The following B4GALT1 variants were observed in gnomAD, a reference collection of about 807,000 sequenced individuals.
The protein encoded by B4GALT1 is beta-1,4-galactosyltransferase 1.
In B4GALT1, 16 loss-of-function variants were observed where a neutral mutation model predicts 34.9. The ratio of observed to expected loss-of-function variants is 0.46; its 90% CI spans 0.31 to 0.70. The LOEUF (loss-of-function observed/expected upper bound fraction) is 0.70, where lower values mean the gene tolerates loss of function less well. Ranked by LOEUF, B4GALT1 falls within the 30% of genes least tolerant of loss-of-function variation. The pLI is 0.05. For missense variants in B4GALT1, 445 were observed against 530.5 expected (o/e 0.84, Z 1.58); for synonymous variants, 221 against 218.1 (o/e 1.01, Z -0.12).
chr9:33,177,144 G>T, the B4GALT1 span, among the ~76,000 whole-genome samples: 1 of 152,148 alleles, frequency 6.6e-6, no homozygotes, highest in Non-Finnish European at 1.5e-5. Context: ...CAGCCAAAGG[G>T]AGTAAGTTGG....
At chr9:33,129,552 C>T (rs1204061496) in intron 2 of B4GALT1, among the ~76,000 whole-genome samples, 1 of 152,188 alleles carries the variant, frequency 6.6e-6, no homozygotes, top group Non-Finnish European at 1.5e-5. Flanking sequence ...GGAGAGAAGC[C>T]CCGTGCTCCA....
At chr9:33,156,573 C>T (rs996784975) in intron 1 of B4GALT1, among the ~76,000 whole-genome samples, 1 of 152,186 alleles carries the variant, frequency 6.6e-6, no homozygotes, top group Non-Finnish European at 1.5e-5. Context: ...ACAGAACTGG[C>T]AATTCATATT....
In B4GALT1 at chr9:33,115,991, C is replaced by G; in HGVS notation, c.959G>C (p.Arg320Thr). 1 of 1,610,364 alleles carries G rather than the reference C, an allele frequency of 6.2e-7. No individual in the cohort carries two copies. Among genetic ancestry groups the G allele is most frequent in the Non-Finnish European group, 8.5e-7 (1 of 1,177,472 alleles). ...WGGEDDDIFNRLVFRGMSISR... is the reference protein window; with the variant it reads ...WGGEDDDIFNTLVFRGMSISR... ...AAGATATCTAAGTTATGACCATTAC[C>G]TGTTAAAAATGTCATCATCTTCTCC... The change falls in exon 4 of 6, where the codon AGA becomes ACA. Residue 320 changes from arginine to threonine, a missense_variant and splice_region_variant. Around this residue, in one of 3 missense-constraint regions of B4GALT1, gnomAD observed 89 missense variants for 107.6 expected, o/e 0.83. Transcript: ENST00000379731.
Position 33,112,921 on chromosome 9 carries a change from A to C in B4GALT1, c.*533T>G. The C allele has an allele frequency of 4.9e-6, 1 of 205,306 alleles. No individual in the cohort carries two copies. Among genetic ancestry groups the C allele is most frequent in the Non-Finnish European group, 1.0e-5 (1 of 98,960 alleles). The allele number at this position is 205,306 out of a possible 1,614,324, so 12.7% of individuals were successfully genotyped here. On this transcript the variant is annotated 3_prime_UTR_variant, in exon 6 of 6. Coordinates refer to ENST00000379731, the MANE Select transcript of B4GALT1 (RefSeq NM_001497.4). ...AAATCCTTTTGCTAAGAAAAGACAT[A>C]TGCACAGTGATTGCAGTGGTTGCAT...
the B4GALT1 span, among the ~76,000 whole-genome samples, chr9:33,180,156 C>A: frequency 6.6e-6 from 1 of 152,186 alleles, no homozygotes; most frequent in Admixed American, 6.5e-5. Context: ...CCCACCTCAG[C>A]CTTCCGAGTA....
chr9:33,181,461 A>AC, the B4GALT1 span, among the ~76,000 whole-genome samples: 2 of 65,176 alleles, frequency 3.1e-5, no homozygotes, highest in African/African-American at 4.8e-5. Context: ...CACACACACA[A>AC]ACTATTCTTA....
chr9:33,175,679 T>G, the B4GALT1 span, among the ~76,000 whole-genome samples: 3,144 of 152,328 alleles, frequency 0.021, 116 homozygotes, highest in African/African-American at 0.072. Flanking sequence ...CACTTATCAT[T>G]GTGTTATAAT....
At chr9:33,163,328 C>T (rs1840702039) in intron 1 of B4GALT1, among the ~76,000 whole-genome samples, 1 of 152,194 alleles carries the variant, frequency 6.6e-6, no homozygotes, top group African/African-American at 2.4e-5. Context: ...TCCTCGGGTG[C>T]CCTGGCTACC....
intron 1 of B4GALT1, among the ~76,000 whole-genome samples, chr9:33,161,811 T>C (rs948838169): frequency 7.9e-5 from 12 of 152,136 alleles, no homozygotes; most frequent in African/African-American, 2.9e-4. Context: ...TGCTTCTTCA[T>C]AGTAAGAGCA....
Position 33,166,860 on chromosome 9 carries a change from C to G in B4GALT1, c.310G>C (p.Val104Leu). The G allele has an allele frequency of 1.3e-6, 2 of 1,573,194 alleles. No individual in the cohort carries two copies. The highest frequency in any genetic ancestry group is 1.8e-5 in the Admixed American group (1 of 55,830). ...PRPGGDSSPV[V>L]DSGPGPASNL... is the part of the protein sequence containing the mutation. The stretch of plus-strand genomic sequence containing the variant: ...CTAGCGGGGCCAGGGCCAGAATCCA[C>G]GACTGGGCTGGAGTCGCCACCCGGG... Residue 104 changes from valine (V) to leucine (L), a missense_variant, in exon 1 of 6, where the codon GTG becomes CTG. Physicochemically the swap from Val to Leu is conservative, Grantham distance 32. Around this residue, in one of 3 missense-constraint regions of B4GALT1, gnomAD observed 349 missense variants for 395.5 expected, o/e 0.88. Transcript: ENST00000379731.
chr9:33,163,212 G>C (rs1000520323), intron 1 of B4GALT1, among the ~76,000 whole-genome samples: 2 of 152,164 alleles, frequency 1.3e-5, no homozygotes, highest in African/African-American at 4.8e-5. Flanking sequence ...AAACACCTGA[G>C]AGCTGAGAGC....
upstream of B4GALT1, among the ~76,000 whole-genome samples, chr9:33,169,072 G>A (rs145030134): frequency 6.6e-6 from 1 of 152,252 alleles, no homozygotes; most frequent in Non-Finnish European, 1.5e-5. Context: ...AACCATCCTC[G>A]ATCAAGCCAC....
intron 1 of B4GALT1, among the ~76,000 whole-genome samples, chr9:33,155,850 T>C (rs1173752184): frequency 3.3e-5 from 5 of 152,186 alleles, no homozygotes; most frequent in African/African-American, 1.2e-4. Context: ...GATATTACCA[T>C]ATAACTAACC....
Position 33,113,373 on chromosome 9 carries a change from G to C in B4GALT1, c.*81C>G. 6.2e-7 allele frequency: 1 copy of C among 1,602,124 alleles called. No individual in the cohort carries two copies. Among genetic ancestry groups the C allele is most frequent in the Non-Finnish European group, 8.5e-7 (1 of 1,170,244 alleles). Reference sequence around the variant, plus strand: ...GTCACTCAGACTGGTAAAAATGAGAGGGACCAGCCCAGCAGATTGGCAGAG... The same window carrying C: ...GTCACTCAGACTGGTAAAAATGAGACGGACCAGCCCAGCAGATTGGCAGAG... On this transcript the variant is annotated 3_prime_UTR_variant, in exon 6 of 6. Coordinates refer to ENST00000379731, the MANE Select transcript of B4GALT1 (RefSeq NM_001497.4).
intron 2 of B4GALT1, among the ~76,000 whole-genome samples, chr9:33,132,016 G>A (rs1587736194): frequency 6.6e-6 from 1 of 151,990 alleles, no homozygotes; most frequent in African/African-American, 2.4e-5. Context: ...CAGATGATAA[G>A]AGAGTAGCTG....
intron 1 of B4GALT1, among the ~76,000 whole-genome samples, chr9:33,158,426 A>G (rs1205101505): frequency 6.6e-6 from 1 of 152,030 alleles, no homozygotes; most frequent in Admixed American, 6.5e-5. Flanking sequence ...TCTGTCCATA[A>G]CAGTCCAAAC....
the B4GALT1 span, among the ~76,000 whole-genome samples, chr9:33,173,448 G>C: frequency 6.6e-6 from 1 of 150,928 alleles, no homozygotes; most frequent in South Asian, 2.1e-4. Flanking sequence ...ATATAGATGA[G>C]AGTTACCCAA....
chr9:33,159,497 C>T (rs1428776664), intron 1 of B4GALT1, among the ~76,000 whole-genome samples: 1 of 152,200 alleles, frequency 6.6e-6, no homozygotes, highest in Non-Finnish European at 1.5e-5. Flanking sequence ...TTTATCTCCA[C>T]TGAGGACATT....
upstream of B4GALT1, among the ~76,000 whole-genome samples, chr9:33,172,231 T>C (rs1587759126): frequency 6.6e-6 from 1 of 152,198 alleles, no homozygotes; most frequent in East Asian, 1.9e-4. Context: ...CTCCCTGGGC[T>C]GGCTTTAAGG....
Sources: gnomAD v4.1 joint callset for allele counts (sites outside exome capture counted in the v4.1 genomes callset) on GRCh38, gnomAD v4.1.1 for gene constraint, gnomAD v4.1.1 regional missense constraint, MANE v1.5 for transcripts, NCBI Gene and HGNC (gene_info 2026-07-23, HGNC 2026-07-21) for gene names.